Variants in DCC observed in about 807,000 individuals in gnomAD.
DCC encodes netrin receptor DCC.
In DCC, 58 loss-of-function variants were observed where a neutral mutation model predicts 172.5. The observed-to-expected ratio is 0.34, with a 90% CI of 0.27 to 0.42. The LOEUF is 0.42. Among genes scored for constraint, DCC ranks in the 10% least tolerant of loss-of-function variants. The probability of loss-of-function intolerance (pLI) is 1.00; values close to 1 mark genes in which losing one functional copy is unlikely to be tolerated. For synonymous variants in DCC, 709 were observed against 644.5 expected, an observed-to-expected ratio of 1.10 and a Z score of -1.52; for missense variants, 1,740 against 1,791.0, an observed-to-expected ratio of 0.97 and a Z score of 0.51.
intron 5 of DCC, among the ~76,000 whole-genome samples, chr18:52,941,543 T>G (rs2040464957): frequency 6.6e-6 from 1 of 151,754 alleles, no homozygotes; most frequent in Non-Finnish European, 1.5e-5. Flanking sequence ...TATGTAAAAA[T>G]GCGCTCATAT....
At chr18:52,424,255 C>T (rs1039941250) in intron 1 of DCC, among the ~76,000 whole-genome samples, 22 of 152,120 alleles carry the variant, frequency 1.4e-4, no homozygotes, top group African/African-American at 5.1e-4. Flanking sequence ...TGCTTAATTT[C>T]CACAATCACC....
intron 2 of DCC, among the ~76,000 whole-genome samples, chr18:52,846,266 G>T (rs2038887221): frequency 6.6e-6 from 1 of 152,226 alleles, no homozygotes; most frequent in South Asian, 2.1e-4. Context: ...CTTCAGCCAG[G>T]CATGGTGGCA....
At chr18:52,385,923 A>G (rs1985780680) in intron 1 of DCC, among the ~76,000 whole-genome samples, 1 of 152,090 alleles carries the variant, frequency 6.6e-6, no homozygotes, top group Non-Finnish European at 1.5e-5. Context: ...AGAAAATAAT[A>G]TTTGTTTGGT....
intron 2 of DCC, among the ~76,000 whole-genome samples, chr18:52,823,367 C>T (rs1001650947): frequency 3.3e-5 from 5 of 152,006 alleles, no homozygotes; most frequent in African/African-American, 1.2e-4. Flanking sequence ...GGTCCTCACT[C>T]CTGAGGGTGT....
chr18:52,511,490 G>A (rs868005165), intron 1 of DCC, among the ~76,000 whole-genome samples: 3 of 152,200 alleles, frequency 2.0e-5, no homozygotes, highest in Middle Eastern at 3.4e-3. Flanking sequence ...AACTGGGAAG[G>A]GGTTGAGGTT....
At chr18:53,065,626 A>C (rs2042555266) in intron 6 of DCC, among the ~76,000 whole-genome samples, 1 of 152,208 alleles carries the variant, frequency 6.6e-6, no homozygotes, top group African/African-American at 2.4e-5. Flanking sequence ...AGAATTCACA[A>C]ATACCAGTAT....
At chr18:53,117,679 CAA>C (rs893421393) in intron 7 of DCC, among the ~76,000 whole-genome samples, 9 of 128,080 alleles carry the variant, frequency 7.0e-5, no homozygotes, top group Non-Finnish European at 1.7e-4. Flanking sequence ...CAGAGGTCAG[CAA>C]ACTTTTTTTT....
At chr18:52,807,320 T>C (rs1317009856) in intron 2 of DCC, among the ~76,000 whole-genome samples, 1 of 152,224 alleles carries the variant, frequency 6.6e-6, no homozygotes, top group Non-Finnish European at 1.5e-5. Context: ...AGCATACATC[T>C]GTAGCTAGAT....
intron 2 of DCC, among the ~76,000 whole-genome samples, chr18:52,817,056 G>A (rs1598833197): frequency 6.6e-6 from 1 of 152,034 alleles, no homozygotes; most frequent in Admixed American, 6.6e-5. Context: ...TAATGTTCCA[G>A]ACGTTATATT....
At chr18:52,993,521 T>C (rs530316312) in intron 5 of DCC, among the ~76,000 whole-genome samples, 1 of 148,374 alleles carries the variant, frequency 6.7e-6, no homozygotes, top group Non-Finnish European at 1.5e-5. Flanking sequence ...GGTTCTATTA[T>C]TGCCTCATGT....
At chr18:53,259,545 C>T (rs2056567554) in intron 12 of DCC, among the ~76,000 whole-genome samples, 2 of 152,190 alleles carry the variant, frequency 1.3e-5, no homozygotes, top group South Asian at 2.1e-4. Context: ...GGCCCCCACT[C>T]TCTTCTGGCT....
intron 3 of DCC, among the ~76,000 whole-genome samples, chr18:52,908,227 A>G (rs1009819988): frequency 2.0e-5 from 3 of 152,178 alleles, no homozygotes; most frequent in African/African-American, 7.2e-5. Context: ...GAAAGTTTCC[A>G]GGTGCTTTAA....
chr18:53,124,919 AAG>A (rs2043533867), intron 7 of DCC, among the ~76,000 whole-genome samples: 1 of 151,848 alleles, frequency 6.6e-6, no homozygotes, highest in Non-Finnish European at 1.5e-5. Flanking sequence ...GCAGTGAGCT[AAG>A]ATCTTGCCAC....
intron 12 of DCC, among the ~76,000 whole-genome samples, chr18:53,259,135 G>A (rs1381341075): frequency 1.3e-5 from 2 of 152,170 alleles, no homozygotes; most frequent in East Asian, 3.9e-4. Context: ...CCTGAATACA[G>A]CATACTGATG....
At chr18:53,442,558 C>T (rs958884802) in intron 22 of DCC, among the ~76,000 whole-genome samples, 1 of 152,066 alleles carries the variant, frequency 6.6e-6, no homozygotes, top group Non-Finnish European at 1.5e-5. Flanking sequence ...TGAAATTAGG[C>T]GAATTAATAA....
intron 5 of DCC, among the ~76,000 whole-genome samples, chr18:52,958,660 G>A (rs897462533): frequency 1.3e-5 from 2 of 152,056 alleles, no homozygotes; most frequent in Admixed American, 1.3e-4. Flanking sequence ...TCAGGACTTG[G>A]TGGCCATAGG....
At chr18:53,081,125 C>G (rs1011297772) in intron 7 of DCC, among the ~76,000 whole-genome samples, 1 of 152,046 alleles carries the variant, frequency 6.6e-6, no homozygotes, top group Non-Finnish European at 1.5e-5. Flanking sequence ...CCCCCCTCCC[C>G]TCTTTATTTC....
rs546902607 is a variant in DCC at position 52,867,561 on chromosome 18, C to G, written c.413-38483C>G. Among the ~76,000 whole-genome samples the G allele has an allele frequency of 3.0e-3, 454 of 151,596 alleles. 1 individual carries two copies. Among genetic ancestry groups the G allele is most frequent in the African/African-American group, 0.011 (439 of 41,292 alleles). On this transcript the variant is annotated intron_variant, in intron 2 of 28. Coordinates refer to ENST00000442544, the MANE Select transcript of DCC (RefSeq NM_005215.4). Reference sequence around the variant, plus strand: ...ATTAATTACTGCCTCAATTTCAGAACTTGTTATTTGTTTATTCAGTGATTT... The same window carrying G: ...ATTAATTACTGCCTCAATTTCAGAAGTTGTTATTTGTTTATTCAGTGATTT...
At chr18:53,501,474 G>GA (rs1453755464) in intron 27 of DCC, among the ~76,000 whole-genome samples, 8 of 152,144 alleles carry the variant, frequency 5.3e-5, no homozygotes, top group African/African-American at 9.6e-5. Flanking sequence ...ATCATTAGAA[G>GA]AAAAAATCAA....
Sources: gnomAD v4.1 joint callset for allele counts (sites outside exome capture counted in the v4.1 genomes callset) on GRCh38, gnomAD v4.1.1 for gene constraint, MANE v1.5 for transcripts, NCBI Gene and HGNC (gene_info 2026-07-23, HGNC 2026-07-21) for gene names.